The following SOX5 variants were observed in gnomAD, a reference collection of about 807,000 sequenced individuals.
SOX5 encodes transcription factor SOX-5.
Under a neutral mutation model 92.0 loss-of-function variants are expected in SOX5, and 9 were observed. The ratio of observed to expected loss-of-function variants is 0.10; its 90% CI spans 0.06 to 0.17. The LOEUF is 0.17. Among genes scored for constraint, SOX5 ranks in the 10% least tolerant of loss-of-function variants. The pLI is 1.00. For synonymous variants in SOX5, 344 were observed against 336.3 expected (o/e 1.02, Z -0.25); for missense variants, 642 against 944.5 (o/e 0.68, Z 4.20).
At chr12:23,945,600 G>A (rs1157676512) in intron 1 of SOX5, among the ~76,000 whole-genome samples, 1 of 152,084 alleles carries the variant, frequency 6.6e-6, no homozygotes, top group Non-Finnish European at 1.5e-5. Flanking sequence ...TATTGACACG[G>A]TAATTAAAAT....
chr12:23,728,235 G>A (rs2093242798), intron 6 of SOX5, among the ~76,000 whole-genome samples: 1 of 152,162 alleles, frequency 6.6e-6, no homozygotes, highest in African/African-American at 2.4e-5. Flanking sequence ...TGAATGCCAG[G>A]AAATTGTATC....
chr12:23,646,841 CACATCT>C (rs2080921101), intron 7 of SOX5, among the ~76,000 whole-genome samples: 1 of 152,130 alleles, frequency 6.6e-6, no homozygotes, highest in African/African-American at 2.4e-5. Context: ...CTATTTCCAC[CACATCT>C]GCAATTATTT....
intron 2 of SOX5, among the ~76,000 whole-genome samples, chr12:24,331,656 T>C (rs1257083958): frequency 2.0e-5 from 3 of 151,886 alleles, no homozygotes; most frequent in Non-Finnish European, 2.9e-5. Flanking sequence ...GAGACCATCC[T>C]GGCCAACATC....
At position 23,540,107 on chromosome 12, in the gene SOX5, AAG is replaced by A. The variant is rs999041119; in HGVS notation, c.1771+3102_1771+3103del. 4.0e-5 allele frequency among the ~76,000 whole-genome samples: 6 copies of A among 151,432 alleles called. No individual in the cohort carries two copies. The South Asian group carries it at 6.3e-4, about 16-fold the overall frequency. On this transcript the variant is annotated intron_variant, in intron 13 of 14. Coordinates refer to ENST00000451604, the MANE Select transcript of SOX5 (RefSeq NM_006940.6). ...GGATAAACAACAATAAAAAAAAAAA[AAG>A]AGAGAAAAAATATCTACTTGATTTG...
intron 3 of SOX5, among the ~76,000 whole-genome samples, chr12:23,818,167 C>A (rs528783391): frequency 6.6e-6 from 1 of 152,258 alleles, no homozygotes; most frequent in African/African-American, 2.4e-5. Context: ...ACAAGGATAT[C>A]TTCTGAGAAA....
chr12:23,821,791 C>A (rs906680320), intron 3 of SOX5, among the ~76,000 whole-genome samples: 2 of 151,574 alleles, frequency 1.3e-5, no homozygotes, highest in Non-Finnish European at 3.0e-5. Context: ...TCTTTTTTTG[C>A]TGTATGTGTT....
chr12:24,009,418 T>A (rs1022632364), intron 4 of SOX5, among the ~76,000 whole-genome samples: 3 of 126,296 alleles, frequency 2.4e-5, no homozygotes, highest in African/African-American at 8.3e-5. Flanking sequence ...AATCAAAACT[T>A]ATTTGCATCC....
chr12:23,711,148 T>C (rs2092009936), intron 6 of SOX5, among the ~76,000 whole-genome samples: 1 of 152,222 alleles, frequency 6.6e-6, no homozygotes, highest in Admixed American at 6.5e-5. Context: ...TCTATTTCTA[T>C]GTTGCCTTTT....
At chr12:23,550,400 CAT>C (rs1372096252) in intron 11 of SOX5, among the ~76,000 whole-genome samples, 2 of 151,844 alleles carry the variant, frequency 1.3e-5, no homozygotes, top group African/African-American at 4.8e-5. Context: ...GATAGTTAAA[CAT>C]GTGTTAGATT....
At chr12:24,412,416 GT>G (rs1380851407) in intron 1 of SOX5, among the ~76,000 whole-genome samples, 3 of 151,840 alleles carry the variant, frequency 2.0e-5, no homozygotes, top group Non-Finnish European at 4.4e-5. Context: ...TACCTGTGTG[GT>G]GTGCCATAAA....
intron 6 of SOX5, among the ~76,000 whole-genome samples, chr12:23,716,725 A>T (rs2092524418): frequency 6.6e-6 from 1 of 152,220 alleles, no homozygotes; most frequent in African/African-American, 2.4e-5. Context: ...TTATCTTAAC[A>T]GCTACGTGAG....
intron 1 of SOX5, among the ~76,000 whole-genome samples, chr12:23,913,678 G>A (rs1700754203): frequency 6.6e-6 from 1 of 150,934 alleles, no homozygotes; most frequent in Non-Finnish European, 1.5e-5. Flanking sequence ...GGAGGTTGCA[G>A]TGAGCCGAGA....
chr12:24,248,367 T>TA (rs1414216057), intron 3 of SOX5, among the ~76,000 whole-genome samples: 1 of 152,246 alleles, frequency 6.6e-6, no homozygotes, highest in Non-Finnish European at 1.5e-5. Flanking sequence ...TGGAAATCAC[T>TA]ACTTTAATGA....
intron 3 of SOX5, among the ~76,000 whole-genome samples, chr12:23,776,825 G>A (rs934754325): frequency 2.6e-5 from 4 of 152,072 alleles, no homozygotes; most frequent in South Asian, 2.1e-4. Flanking sequence ...ATGCTCGCCC[G>A]CCACTCACCT....
chr12:24,557,955 C>T (rs1047453369), intron 1 of SOX5, among the ~76,000 whole-genome samples: 4 of 152,152 alleles, frequency 2.6e-5, no homozygotes, highest in Non-Finnish European at 5.9e-5. Context: ...GCTGCCCCTA[C>T]TGAATGTTAT....
chr12:24,537,487 C>A (rs1486471519), intron 1 of SOX5, among the ~76,000 whole-genome samples: 1 of 152,166 alleles, frequency 6.6e-6, no homozygotes, highest in Non-Finnish European at 1.5e-5. Flanking sequence ...TGAGGAAATG[C>A]CTGTTGAATC....
intron 6 of SOX5, among the ~76,000 whole-genome samples, chr12:23,694,104 T>C (rs1567025320): frequency 6.6e-6 from 1 of 152,210 alleles, no homozygotes; most frequent in Non-Finnish European, 1.5e-5. Context: ...CCCATGATTA[T>C]GTTTGAGACG....
intron 4 of SOX5, among the ~76,000 whole-genome samples, chr12:24,072,884 A>G (rs1391792): frequency 0.29 from 43,503 of 152,092 alleles, 6,304 homozygotes; most frequent in Middle Eastern, 0.4. Context: ...CTTTACATGA[A>G]TAACACATAA....
At chr12:23,666,118 T>C (rs2083758820) in intron 6 of SOX5, among the ~76,000 whole-genome samples, 1 of 152,124 alleles carries the variant, frequency 6.6e-6, no homozygotes. Context: ...TTTACTCTTT[T>C]TTTTTTTTTA....
Sources: gnomAD v4.1 joint callset for allele counts (sites outside exome capture counted in the v4.1 genomes callset) on GRCh38, gnomAD v4.1.1 for gene constraint, MANE v1.5 for transcripts, NCBI Gene and HGNC (gene_info 2026-07-23, HGNC 2026-07-21) for gene names.